SYDE2: variants seen among roughly 807,000 people sequenced by gnomAD.
The protein encoded by SYDE2 is rho GTPase-activating protein SYDE2.
SYDE2 carries 76 observed loss-of-function variants against 91.5 expected under a neutral mutation model. The ratio of observed to expected loss-of-function variants is 0.83; its 90% CI spans 0.69 to 1.01. The LOEUF (loss-of-function observed/expected upper bound fraction) is 1.01, where lower values mean the gene tolerates loss of function less well. Ranked by LOEUF, SYDE2 falls within the 50% of genes least tolerant of loss-of-function variation. The pLI, the probability that SYDE2 is intolerant of heterozygous loss-of-function variation, is 0.00. For synonymous variants in SYDE2, 513 were observed against 506.4 expected, an observed-to-expected ratio of 1.01 and a Z score of -0.18; for missense variants, 1,364 against 1,367.7, an observed-to-expected ratio of 1.00 and a Z score of 0.04.
At chr1:85,162,892 CT>C in intron 6 of SYDE2, among the ~76,000 whole-genome samples, 1 of 152,176 alleles carries the variant, frequency 6.6e-6, no homozygotes, top group South Asian at 2.1e-4. Context: ...AGAATTAAAG[CT>C]GTTCTAGAAA....
chr1:85,189,775 C>T (rs1373040088), intron 2 of SYDE2, among the ~76,000 whole-genome samples: 4 of 152,116 alleles, frequency 2.6e-5, no homozygotes, highest in South Asian at 2.1e-4. Context: ...GTCAAGGCTG[C>T]GGTGCGCCAT....
chr1:85,161,691 A>C (rs1418328592), intron 6 of SYDE2, among the ~76,000 whole-genome samples: 5 of 147,930 alleles, frequency 3.4e-5, no homozygotes, highest in Non-Finnish European at 7.4e-5. Context: ...GCGCCAGTGC[A>C]CTCCAACCTG....
At position 85,194,142 on chromosome 1, in the gene SYDE2, CTT is replaced by C. The variant is rs139066484; in HGVS notation, c.746-3392_746-3391del. On this transcript the variant is annotated intron_variant, in intron 1 of 6. Transcript: ENST00000341460. ...TCAACACATTATTCAAGATAATAAA[CTT>C]GAGCAATTATTTATAATTAAAACAT... Among the ~76,000 whole-genome samples the C allele has an allele frequency of 4.5e-3, 684 of 151,536 alleles. 2 individuals carry two copies. Among genetic ancestry groups the C allele is most frequent in the Non-Finnish European group, 6.9e-3 (470 of 67,878 alleles).
intron 4 of SYDE2, among the ~76,000 whole-genome samples, chr1:85,171,236 G>A (rs1265105022): frequency 1.3e-5 from 2 of 152,162 alleles, no homozygotes; most frequent in Non-Finnish European, 2.9e-5. Context: ...AAGATAACTG[G>A]ATCTTGGGAA....
intron 1 of SYDE2, among the ~76,000 whole-genome samples, chr1:85,192,125 A>T (rs912698415): frequency 6.6e-6 from 1 of 152,176 alleles, no homozygotes. Flanking sequence ...GCTTAAAACA[A>T]CCAAAAAATC....
chr1:85,174,029 TGAAAC>T (rs775318048), intron 4 of SYDE2, among the ~76,000 whole-genome samples: 7 of 149,344 alleles, frequency 4.7e-5, no homozygotes, highest in Non-Finnish European at 1.0e-4. Flanking sequence ...CAATCTAAAA[TGAAAC>T]GAAGTATGGA....
At chr1:85,169,881 G>A (rs538517360) in intron 4 of SYDE2, among the ~76,000 whole-genome samples, 159 of 152,230 alleles carry the variant, frequency 1.0e-3, no homozygotes, top group African/African-American at 3.6e-3. Flanking sequence ...CATTCCACAC[G>A]TAGTTTTGAA....
chr1:85,163,655 G>C (rs548794892), intron 6 of SYDE2, among the ~76,000 whole-genome samples: 187 of 151,800 alleles, frequency 1.2e-3, no homozygotes, highest in Non-Finnish European at 2.0e-3. Flanking sequence ...CATCCTGCTG[G>C]CAAGTGCCAC....
chr1:85,190,213 C>T lies in SYDE2; in HGVS notation c.1285G>A (p.Ala429Thr), dbSNP rs1239856378. ...TEDSLCSSEH[A>T]GDIQTTRSNG... is the part of the protein sequence containing the mutation. ...GACCGTGTGGTCTGAATATCACCTG[C>T]ATGTTCGGAAGAGCACAGTGAGTCT... Residue 429 changes from alanine to threonine, a missense_variant, in exon 2 of 7, where the codon GCA (alanine) becomes ACA (threonine). Physicochemically the swap from Ala to Thr is moderately conservative, Grantham distance 58. Transcript: ENST00000341460. 1.2e-6 allele frequency: 2 copies of T among 1,613,856 alleles called. No homozygotes were observed. Among genetic ancestry groups the T allele is most frequent in the Non-Finnish European group, 1.7e-6 (2 of 1,179,906 alleles).
chr1:85,187,532 CTATAAATCA>C (rs1469238248), intron 2 of SYDE2, among the ~76,000 whole-genome samples: 1 of 150,186 alleles, frequency 6.7e-6, no homozygotes, highest in Non-Finnish European at 1.5e-5. Context: ...ACCCAAAGGA[CTATAAATCA>C]TGCTGCTATA....
intron 2 of SYDE2, among the ~76,000 whole-genome samples, chr1:85,188,363 TAA>T (rs933505596): frequency 3.9e-5 from 6 of 151,994 alleles, no homozygotes; most frequent in Non-Finnish European, 8.8e-5. Context: ...TAAAAACAAA[TAA>T]AAAAACACAA....
At position 85,183,126 on chromosome 1, in the gene SYDE2, C is replaced by T; in HGVS notation, c.1516G>A (p.Val506Met). The T allele has an allele frequency of 1.2e-6, 2 of 1,612,972 alleles. No homozygotes were observed. The highest frequency in any genetic ancestry group is 1.7e-6 in the Non-Finnish European group (2 of 1,179,572). ...CAATTAATTGAACTGCCTTTTTTCA[C>T]AGGGCTAGGATTTGGAGAAGATGGT... Reference protein sequence around the residue: ...MEPSSPNPSPVKKGSSINWSL... With the variant: ...MEPSSPNPSPMKKGSSINWSL... Residue 506 changes from valine (V) to methionine (M), a missense_variant, in exon 3 of 7, where the codon GTG becomes ATG. By Grantham distance (21) the Val-to-Met change is conservative. Coordinates refer to ENST00000341460, the MANE Select transcript of SYDE2 (RefSeq NM_032184.2).
rs749285947 is a variant in SYDE2, at chr1:85,183,149, G to C, written c.1493C>G (p.Pro498Arg). ...CACAGGGCTAGGATTTGGAGAAGAT[G>C]GTTCCATAATTCCCAATTCAGTACT... is the stretch of plus-strand genomic sequence containing the variant. ...TNSTELGIME[P>R]SSPNPSPVKK... Residue 498 changes from proline (P) to arginine (R), a missense_variant, in exon 3 of 7, where the codon CCA (proline) becomes CGA (arginine). Physicochemically the swap from Pro to Arg is moderately radical, Grantham distance 103. Coordinates refer to ENST00000341460, the MANE Select transcript of SYDE2 (RefSeq NM_032184.2). 1 of 1,603,338 alleles carries C rather than the reference G, an allele frequency of 6.2e-7. No individual in the cohort carries two copies. Among genetic ancestry groups the C allele is most frequent in the Admixed American group, 1.7e-5 (1 of 57,436 alleles).
chr1:85,195,740 GCTC>G (rs568818060), intron 1 of SYDE2, among the ~76,000 whole-genome samples: 9 of 152,248 alleles, frequency 5.9e-5, no homozygotes, highest in South Asian at 2.1e-4. Flanking sequence ...AATTCCCAGT[GCTC>G]CTCAAGGCAG....
chr1:85,171,199 GAC>G (rs1183723108), intron 4 of SYDE2, among the ~76,000 whole-genome samples: 1 of 152,084 alleles, frequency 6.6e-6, no homozygotes, highest in Non-Finnish European at 1.5e-5. Context: ...GATGACTGGA[GAC>G]ACAGATTTAA....
intron 3 of SYDE2, among the ~76,000 whole-genome samples, chr1:85,178,501 G>C (rs975154840): frequency 6.6e-6 from 1 of 151,922 alleles, no homozygotes; most frequent in Admixed American, 6.6e-5. Flanking sequence ...GGTAATGCTG[G>C]CTACCTATCT....
rs1052774315 is a variant in SYDE2, at chr1:85,157,457, T to C, written c.*1293A>G. ...CAAATGGGGGTAATTATAAAGTCAA[T>C]GTTATAAATGTACTACTACAAATAA... On this transcript the variant is annotated 3_prime_UTR_variant, in exon 7 of 7. Transcript: ENST00000341460. 16 of 152,218 alleles carry C rather than the reference T, an allele frequency of 1.1e-4. No homozygotes were observed. Among genetic ancestry groups the C allele is most frequent in the African/African-American group, 3.8e-4 (16 of 41,576 alleles). 9.4% of individuals were successfully genotyped at this position (152,218 alleles called of 1,614,324 possible).
chr1:85,172,817 C>T (rs1657549770), intron 4 of SYDE2, among the ~76,000 whole-genome samples: 1 of 152,106 alleles, frequency 6.6e-6, no homozygotes, highest in Non-Finnish European at 1.5e-5. Flanking sequence ...AAAGGGCTGC[C>T]TAGACATGAC....
At position 85,182,118 on chromosome 1, in the gene SYDE2, T is replaced by C. The variant is rs1326869399; in HGVS notation, c.2524A>G (p.Ile842Val). ...PLLIQKCIME[I>V]EKRGCQVVGL... ...AATACCTGACAGCCTCTCTTTTCAATTTCCATAATACATTTCTGTATCAGA... is the reference window on the plus strand; with the variant it reads ...AATACCTGACAGCCTCTCTTTTCAACTTCCATAATACATTTCTGTATCAGA... Residue 842 changes from isoleucine (I) to valine (V), a missense_variant, in exon 3 of 7, where the codon ATT becomes GTT. Ile to Val is a conservative substitution (Grantham distance 29, BLOSUM62 3). Coordinates refer to ENST00000341460, the MANE Select transcript of SYDE2 (RefSeq NM_032184.2). 2 of 1,587,828 alleles carry C rather than the reference T, an allele frequency of 1.3e-6. No individual in the cohort carries two copies. Among genetic ancestry groups the C allele is most frequent in the Non-Finnish European group, 1.7e-6 (2 of 1,170,876 alleles).
Sources: gnomAD v4.1 joint callset for allele counts (sites outside exome capture counted in the v4.1 genomes callset) on GRCh38, gnomAD v4.1.1 for gene constraint, MANE v1.5 for transcripts, NCBI Gene and HGNC (gene_info 2026-07-23, HGNC 2026-07-21) for gene names.